Variants in FBXL2 observed in about 807,000 individuals in gnomAD.
FBXL2 encodes the protein F-box and leucine rich repeat protein 2.
FBXL2 carries 38 observed loss-of-function variants against 69.2 expected under a neutral mutation model. The observed-to-expected ratio is 0.55, with a 90% CI of 0.42 to 0.72. The LOEUF (loss-of-function observed/expected upper bound fraction) is 0.72. Among genes scored for constraint, FBXL2 ranks in the 30% least tolerant of loss-of-function variants. The probability of loss-of-function intolerance (pLI) is 0.00; values close to 1 mark genes in which losing one functional copy is unlikely to be tolerated. For missense variants in FBXL2, 354 were observed against 520.3 expected (o/e 0.68, Z 3.11); for synonymous variants, 192 against 201.3 (o/e 0.95, Z 0.39).
chr3:33,337,565 T>C (rs1160275494), intron 2 of FBXL2, among the ~76,000 whole-genome samples: 1 of 152,222 alleles, frequency 6.6e-6, no homozygotes, highest in African/African-American at 2.4e-5. Context: ...ACAACTGTTA[T>C]AGTTTAGAAA....
chr3:33,370,587 G>C lies in FBXL2; in HGVS notation c.291-2505G>C, dbSNP rs79358150. Among the ~76,000 whole-genome samples, 1,053 of 152,028 alleles carry C rather than the reference G, an allele frequency of 6.9e-3. 14 individuals are homozygous for C. Among genetic ancestry groups the C allele is most frequent in the African/African-American group, 0.023 (962 of 41,482 alleles). On this transcript the variant is annotated intron_variant, in intron 5 of 14. Coordinates refer to ENST00000484457, the MANE Select transcript of FBXL2 (RefSeq NM_012157.5). ...CATAACATGGCTTTGTTTTCTGGCT[G>C]TTTTTAGGGTTTTCCTATCACTGGT...
At chr3:33,323,061 A>G (rs1040701769) in intron 2 of FBXL2, among the ~76,000 whole-genome samples, 1 of 152,188 alleles carries the variant, frequency 6.6e-6, no homozygotes. Context: ...TAAGTTCACT[A>G]TTAATTCCTC....
At chr3:33,361,670 G>C (rs1200156514) in intron 4 of FBXL2, among the ~76,000 whole-genome samples, 2 of 152,038 alleles carry the variant, frequency 1.3e-5, no homozygotes, top group East Asian at 3.9e-4. Context: ...CCACCAAAGG[G>C]GAAGCCAGTT....
At chr3:33,419,930 T>C in the FBXL2 span, among the ~76,000 whole-genome samples, 1 of 152,214 alleles carries the variant, frequency 6.6e-6, no homozygotes. Context: ...AGCTTTATTT[T>C]CTCAATTTAC....
intron 2 of FBXL2, among the ~76,000 whole-genome samples, chr3:33,343,670 C>T (rs561936827): frequency 6.6e-6 from 1 of 152,124 alleles, no homozygotes; most frequent in South Asian, 2.1e-4. Context: ...AGTATTTTGC[C>T]TACTTCCAAT....
chr3:33,387,275 G>A lies in FBXL2; in HGVS notation c.*1667G>A, dbSNP rs1395115380. On this transcript the variant is annotated 3_prime_UTR_variant, in exon 15 of 15. Coordinates refer to ENST00000484457, the MANE Select transcript of FBXL2 (RefSeq NM_012157.5). ...ATGAGCATATAACAGACTTGCTTCAGTGATTATGAATTAGTTTAGTTTCTA... is the reference window on the plus strand; with the variant it reads ...ATGAGCATATAACAGACTTGCTTCAATGATTATGAATTAGTTTAGTTTCTA... 1 of 152,168 alleles carries A rather than the reference G, an allele frequency of 6.6e-6. No homozygotes were observed. Among genetic ancestry groups the A allele is most frequent in the Non-Finnish European group, 1.5e-5 (1 of 68,030 alleles). The allele number at this position is 152,168 out of a possible 1,614,324, so 9.4% of individuals were successfully genotyped here. A position where few individuals can be genotyped will look rare whatever the true frequency, so the allele number is the denominator to read the frequency against.
chr3:33,351,695 T>A (rs990575322), intron 2 of FBXL2, among the ~76,000 whole-genome samples: 1 of 152,182 alleles, frequency 6.6e-6, no homozygotes, highest in Non-Finnish European at 1.5e-5. Flanking sequence ...TCATTGTTGG[T>A]GAGGATTCAA....
chr3:33,278,901 A>G (rs1310396419), intron 1 of FBXL2, among the ~76,000 whole-genome samples: 1 of 152,252 alleles, frequency 6.6e-6, no homozygotes, highest in African/African-American at 2.4e-5. Flanking sequence ...AATTGTAGCA[A>G]GGAGAAAGAA....
intron 12 of FBXL2, chr3:33,396,150 C>G (rs2043984215): frequency 6.4e-7 from 1 of 1,558,054 alleles, no homozygotes. Context: ...TTGAGATGCC[C>G]TCAATACCTA....
chr3:33,384,519 C>A (rs1032760152), intron 14 of FBXL2, among the ~76,000 whole-genome samples: 1 of 152,102 alleles, frequency 6.6e-6, no homozygotes. Flanking sequence ...CCAGACTGCA[C>A]CACTGCACTT....
At chr3:33,336,942 C>A (rs550740256) in intron 2 of FBXL2, among the ~76,000 whole-genome samples, 2 of 149,476 alleles carry the variant, frequency 1.3e-5, no homozygotes, top group Non-Finnish European at 3.0e-5. Context: ...CAGTGGCTCA[C>A]GTCTGTAATC....
chr3:33,408,926 T>C, the FBXL2 span: 1 of 967,540 alleles, frequency 1.0e-6, no homozygotes, highest in African/African-American at 1.7e-5. Flanking sequence ...TTAAAAAAAA[T>C]GCAAAACCCC....
the FBXL2 span, among the ~76,000 whole-genome samples, chr3:33,413,797 C>T: frequency 6.6e-6 from 1 of 152,162 alleles, no homozygotes; most frequent in African/African-American, 2.4e-5. Context: ...CCTGCAGGGC[C>T]TGTCCAAGCA....
At chr3:33,393,092 G>T (rs986826035), downstream of FBXL2, 2 of 483,220 alleles carry the variant, frequency 4.1e-6, no homozygotes, top group Non-Finnish European at 7.0e-6. Context: ...CTAAAGGGCT[G>T]GGGGGAGGCT....
downstream of FBXL2, chr3:33,389,283 T>C (rs1358735351): frequency 6.6e-6 from 1 of 152,614 alleles, no homozygotes; most frequent in African/African-American, 2.4e-5. Context: ...CTTAAGGGAT[T>C]TGTATGGTAC....
intron 2 of FBXL2, among the ~76,000 whole-genome samples, chr3:33,320,324 C>T (rs2038082393): frequency 6.6e-6 from 1 of 151,958 alleles, no homozygotes; most frequent in African/African-American, 2.4e-5. Context: ...ATATATGGTT[C>T]TGGGATAATT....
chr3:33,384,268 T>G, intron 14 of FBXL2, 67 bp downstream of exon 14: 3 of 1,515,944 alleles, frequency 2.0e-6, no homozygotes, highest in Non-Finnish European at 2.7e-6. Context: ...ACATCAAGAA[T>G]CAGACCGGGG....
rs912404563 is a variant in FBXL2, at chr3:33,315,319, TCTTA to T, written c.65+17598_65+17601del. On this transcript the variant is annotated intron_variant, in intron 2 of 14. Transcript: ENST00000484457. Reference sequence around the variant, plus strand: ...GTTTCTCTCTTTCTCTTTCTCTCTCTCTTACTTTCTTTCTTTCTTTTGCCATGGC... The same window carrying T: ...GTTTCTCTCTTTCTCTTTCTCTCTCTCTTTCTTTCTTTCTTTTGCCATGGC... 6.5e-4 allele frequency among the ~76,000 whole-genome samples: 98 copies of T among 151,592 alleles called. 2 individuals carry two copies. The highest frequency in any genetic ancestry group is 2.3e-3 in the African/African-American group (93 of 41,288).
At chr3:33,290,682 AT>A (rs1304531265) in intron 1 of FBXL2, among the ~76,000 whole-genome samples, 1 of 152,234 alleles carries the variant, frequency 6.6e-6, no homozygotes, top group Non-Finnish European at 1.5e-5. Context: ...TCAATAAAAA[AT>A]CAGCATTCAA....
Sources: allele counts gnomAD v4.1 joint callset (sites outside exome capture counted in the v4.1 genomes callset), GRCh38; gene constraint gnomAD v4.1.1; transcripts MANE v1.5; gene names NCBI Gene and HGNC (gene_info 2026-07-23, HGNC 2026-07-21).